PRKG1: variants seen among roughly 807,000 people sequenced by gnomAD.
The protein encoded by PRKG1 is protein kinase cGMP-dependent 1.
A neutral mutation model predicts 88.1 loss-of-function variants in PRKG1; 35 were observed. That is an observed-to-expected ratio of 0.40 (90% CI 0.30 to 0.53). The LOEUF (loss-of-function observed/expected upper bound fraction) is 0.53. Ranked by LOEUF, PRKG1 falls within the 20% of genes least tolerant of loss-of-function variation. The pLI is 0.59. For synonymous variants in PRKG1, 303 were observed against 292.5 expected, an observed-to-expected ratio of 1.04 and a Z score of -0.37; for missense variants, 540 against 839.8, an observed-to-expected ratio of 0.64 and a Z score of 4.41.
chr10:51,482,594 A>T (rs892709695), intron 3 of PRKG1, among the ~76,000 whole-genome samples: 3 of 152,164 alleles, frequency 2.0e-5, no homozygotes, highest in Non-Finnish European at 4.4e-5. Context: ...ATACTGACTT[A>T]ATCCTATTAT....
At chr10:51,905,715 C>G (rs1842072240) in intron 4 of PRKG1, among the ~76,000 whole-genome samples, 1 of 151,874 alleles carries the variant, frequency 6.6e-6, no homozygotes. Flanking sequence ...AATAAGAGAA[C>G]AGGATGAAAA....
chr10:51,772,807 G>A (rs73347244), intron 3 of PRKG1, among the ~76,000 whole-genome samples: 128 of 152,196 alleles, frequency 8.4e-4, no homozygotes, highest in African/African-American at 2.9e-3. Context: ...TGAAAAGCAA[G>A]TTTTGAAATT....
chr10:51,934,707 T>C (rs1197410646), intron 5 of PRKG1, among the ~76,000 whole-genome samples: 2 of 152,180 alleles, frequency 1.3e-5, no homozygotes, highest in Non-Finnish European at 2.9e-5. Context: ...AGTGAAAGAT[T>C]AGCCTTGCCA....
intron 8 of PRKG1, among the ~76,000 whole-genome samples, chr10:52,151,209 AT>A (rs1245122982): frequency 6.6e-6 from 1 of 151,858 alleles, no homozygotes; most frequent in South Asian, 2.1e-4. Flanking sequence ...CCCAATAGTT[AT>A]TTTTTTCTGC....
chr10:52,148,554 A>T (rs561409384), intron 8 of PRKG1, among the ~76,000 whole-genome samples: 2 of 152,314 alleles, frequency 1.3e-5, no homozygotes, highest in African/African-American at 4.8e-5. Context: ...TTGGGAAACC[A>T]TTTACCTTTA....
At chr10:51,033,004 T>C (rs1384375431) in intron 1 of PRKG1, among the ~76,000 whole-genome samples, 1 of 152,084 alleles carries the variant, frequency 6.6e-6, no homozygotes, top group Non-Finnish European at 1.5e-5. Flanking sequence ...TCTACTACAG[T>C]TTCTAATTAC....
intron 2 of PRKG1, among the ~76,000 whole-genome samples, chr10:51,441,604 T>A (rs1352891789): frequency 6.6e-6 from 1 of 151,930 alleles, no homozygotes; most frequent in Non-Finnish European, 1.5e-5. Context: ...GTGGCTAGAA[T>A]CCACACAGAA....
At chr10:51,785,661 A>C (rs907721211) in intron 3 of PRKG1, among the ~76,000 whole-genome samples, 3 of 152,142 alleles carry the variant, frequency 2.0e-5, no homozygotes, top group African/African-American at 7.2e-5. Context: ...TGCATAGTAG[A>C]GTCTACAGTG....
chr10:51,743,765 T>TATATATATATATATA (rs1837508225), intron 3 of PRKG1, among the ~76,000 whole-genome samples: 1 of 132,906 alleles, frequency 7.5e-6, no homozygotes, highest in South Asian at 2.3e-4. Flanking sequence ...TATATATATA[T>TATATATATATATATA]TTAGTTGCCT....
chr10:51,028,648 A>G (rs1484204684), intron 1 of PRKG1, among the ~76,000 whole-genome samples: 1 of 152,170 alleles, frequency 6.6e-6, no homozygotes, highest in Non-Finnish European at 1.5e-5. Flanking sequence ...TCAGGGAAGA[A>G]GAATGAGAAA....
intron 4 of PRKG1, among the ~76,000 whole-genome samples, chr10:51,875,752 T>C (rs568710100): frequency 6.6e-6 from 1 of 152,298 alleles, no homozygotes; most frequent in East Asian, 1.9e-4. Flanking sequence ...CAACCATATG[T>C]GCAAGGATAT....
At chr10:51,888,740 GAAGTT>G (rs1236065949) in intron 4 of PRKG1, among the ~76,000 whole-genome samples, 1 of 152,172 alleles carries the variant, frequency 6.6e-6, no homozygotes, top group Non-Finnish European at 1.5e-5. Context: ...ACAGAACAGT[GAAGTT>G]ACTCATGAGA....
intron 4 of PRKG1, among the ~76,000 whole-genome samples, chr10:51,853,282 G>A (rs1197492535): frequency 6.6e-6 from 1 of 152,136 alleles, no homozygotes; most frequent in Non-Finnish European, 1.5e-5. Flanking sequence ...GTGTACAATG[G>A]ATAGTAAATA....
chr10:52,271,461 C>A lies in PRKG1; in HGVS notation c.1285C>A (p.Gln429Lys). Reference sequence around the variant, plus strand: ...CATCCGCTCAGAGAAGCAGATCATGCAGGGGGCTCATTCCGATTTCATAGT... The same window carrying A: ...CATCCGCTCAGAGAAGCAGATCATGAAGGGGGCTCATTCCGATTTCATAGT... ...EHIRSEKQIM[Q>K]GAHSDFIVRL... Residue 429 changes from glutamine to lysine, a missense_variant, in exon 11 of 18, where the codon CAG becomes AAG. Around this residue, in one of 5 missense-constraint regions of PRKG1, gnomAD observed 400 missense variants for 562.7 expected, o/e 0.71. Coordinates refer to ENST00000373980, the MANE Select transcript of PRKG1 (RefSeq NM_006258.4). 6.2e-7 allele frequency: 1 copy of A among 1,612,734 alleles called. No homozygotes were observed. The highest frequency in any genetic ancestry group is 2.2e-5 in the East Asian group (1 of 44,786).
chr10:51,146,188 C>CAA lies in PRKG1; in HGVS notation c.312-6965_312-6964dup, dbSNP rs540117404. On this transcript the variant is annotated intron_variant, in intron 1 of 17. Coordinates refer to ENST00000373980, the MANE Select transcript of PRKG1 (RefSeq NM_006258.4). ...TGGGTGACAGAACAAGACTCTGTCTCAAAAAAAAAAAAGAAAAAAATGTAG... is the reference window on the plus strand; with the variant it reads ...TGGGTGACAGAACAAGACTCTGTCTCAAAAAAAAAAAAAAGAAAAAAATGTAG... 5.5e-3 allele frequency among the ~76,000 whole-genome samples: 761 copies of CAA among 137,918 alleles called. 3 individuals are homozygous for CAA. Among genetic ancestry groups the CAA allele is most frequent in the African/African-American group, 0.019 (714 of 37,864 alleles). 90.5% of individuals were successfully genotyped at this position (137,918 alleles called of 152,430 possible).
intron 2 of PRKG1, among the ~76,000 whole-genome samples, chr10:51,291,001 G>A (rs923506033): frequency 6.6e-6 from 1 of 152,102 alleles, no homozygotes. Flanking sequence ...ACTTTAAACA[G>A]TCAATAGTCT....
At position 52,015,516 on chromosome 10, in the gene PRKG1, G is replaced by A. The variant is rs1466579061; in HGVS notation, c.763-38968G>A. Among the ~76,000 whole-genome samples, 10 of 152,240 alleles carry A rather than the reference G, an allele frequency of 6.6e-5. No individual in the cohort carries two copies. In the East Asian group the frequency reaches 1.9e-3, roughly 29 times the overall value. On this transcript the variant is annotated intron_variant, in intron 5 of 17. Coordinates refer to ENST00000373980, the MANE Select transcript of PRKG1 (RefSeq NM_006258.4). ...GGGCTGCTGCAAAGATCTCTGACAT[G>A]CCCTGGAGACATTTTTTTCCATTGT...
chr10:51,247,470 T>A (rs1187044524), intron 2 of PRKG1, among the ~76,000 whole-genome samples: 1 of 151,932 alleles, frequency 6.6e-6, no homozygotes, highest in Non-Finnish European at 1.5e-5. Flanking sequence ...AAGGAAAAAA[T>A]TCAGAGTAAA....
At chr10:51,295,469 C>G (rs1028696279) in intron 2 of PRKG1, among the ~76,000 whole-genome samples, 1 of 151,994 alleles carries the variant, frequency 6.6e-6, no homozygotes, top group Non-Finnish European at 1.5e-5. Flanking sequence ...ATTTTGTATA[C>G]TAATTTTATA....
Sources: allele counts gnomAD v4.1 joint callset (sites outside exome capture counted in the v4.1 genomes callset), GRCh38; gene constraint gnomAD v4.1.1; regional missense constraint gnomAD v4.1.1; transcripts MANE v1.5; gene names NCBI Gene and HGNC (gene_info 2026-07-23, HGNC 2026-07-21).